The following RGS6 variants were observed in gnomAD, a reference collection of about 807,000 sequenced individuals.
The protein encoded by RGS6 is regulator of G-protein signaling 6.
A neutral mutation model predicts 78.5 loss-of-function variants in RGS6; 30 were observed. That is an observed-to-expected ratio of 0.38 (90% CI 0.29 to 0.52). RGS6 has a LOEUF of 0.52. Among genes scored for constraint, RGS6 ranks in the 20% least tolerant of loss-of-function variants. The pLI is 0.85. For synonymous variants in RGS6, 206 were observed against 206.0 expected, an observed-to-expected ratio of 1.00 and a Z score of 0.00; for missense variants, 495 against 609.7, an observed-to-expected ratio of 0.81 and a Z score of 1.98.
intron 2 of RGS6, among the ~76,000 whole-genome samples, chr14:72,335,334 C>T (rs2075834150): frequency 6.6e-6 from 1 of 152,140 alleles, no homozygotes; most frequent in Non-Finnish European, 1.5e-5. Flanking sequence ...TGCCCCCATC[C>T]CTGTTTGTCC....
intron 2 of RGS6, among the ~76,000 whole-genome samples, chr14:72,127,517 C>T (rs916012522): frequency 9.9e-5 from 15 of 151,982 alleles, no homozygotes; most frequent in Non-Finnish European, 1.5e-4. Context: ...TAAGAGAACA[C>T]GTTACTGATT....
intron 1 of RGS6, among the ~76,000 whole-genome samples, chr14:71,960,363 G>A (rs753947978): frequency 6.6e-6 from 1 of 152,200 alleles, no homozygotes; most frequent in Non-Finnish European, 1.5e-5. Context: ...ATCTTTATGT[G>A]TGATGCTATA....
At chr14:71,897,678 G>A in the RGS6 span, among the ~76,000 whole-genome samples, 3 of 151,682 alleles carry the variant, frequency 2.0e-5, no homozygotes, top group Admixed American at 6.6e-5. Context: ...CCACCACCAC[G>A]CCCAGCTAAT....
At chr14:72,368,475 C>T (rs971497093) in intron 3 of RGS6, among the ~76,000 whole-genome samples, 2 of 152,082 alleles carry the variant, frequency 1.3e-5, no homozygotes, top group Non-Finnish European at 2.9e-5. Context: ...TGTGGTACTT[C>T]CAGATTAGAA....
At chr14:72,559,051 G>T (rs961218175) in intron 17 of RGS6, among the ~76,000 whole-genome samples, 1 of 152,160 alleles carries the variant, frequency 6.6e-6, no homozygotes, top group Non-Finnish European at 1.5e-5. Flanking sequence ...TGCTTCCTCT[G>T]TAACTATGCA....
intron 17 of RGS6, among the ~76,000 whole-genome samples, chr14:72,542,688 T>C (rs112927526): frequency 7.9e-5 from 12 of 152,340 alleles, no homozygotes; most frequent in Non-Finnish European, 1.6e-4. Context: ...ATCCAGGTGA[T>C]TGGATAACTC....
chr14:72,286,694 G>A (rs905778360), intron 2 of RGS6, among the ~76,000 whole-genome samples: 2 of 152,028 alleles, frequency 1.3e-5, no homozygotes, highest in South Asian at 4.2e-4. Context: ...CATTGATGTT[G>A]CCTCAGTTTC....
intron 2 of RGS6, among the ~76,000 whole-genome samples, chr14:72,143,326 T>C (rs908381513): frequency 2.6e-5 from 4 of 152,032 alleles, no homozygotes; most frequent in African/African-American, 9.7e-5. Flanking sequence ...TGAGCCAAGA[T>C]TGCACCACTG....
chr14:72,020,865 G>A (rs2088275239), intron 2 of RGS6, among the ~76,000 whole-genome samples: 1 of 152,202 alleles, frequency 6.6e-6, no homozygotes, highest in Non-Finnish European at 1.5e-5. Flanking sequence ...GACTTCAGCA[G>A]GTGGTGACAT....
At chr14:72,095,706 G>A (rs1015828008) in intron 2 of RGS6, among the ~76,000 whole-genome samples, 3 of 152,230 alleles carry the variant, frequency 2.0e-5, no homozygotes, top group African/African-American at 7.2e-5. Context: ...CCAGTCATCA[G>A]CCTGTTATGT....
intron 2 of RGS6, among the ~76,000 whole-genome samples, chr14:72,196,288 G>A (rs1003143570): frequency 5.9e-5 from 9 of 152,150 alleles, no homozygotes; most frequent in African/African-American, 2.2e-4. Context: ...ATGGAGAGGA[G>A]AGGCTGTCAG....
the RGS6 span, among the ~76,000 whole-genome samples, chr14:72,580,422 G>A: frequency 6.6e-6 from 1 of 151,638 alleles, no homozygotes; most frequent in Non-Finnish European, 1.5e-5. Context: ...CTGTAGCCCT[G>A]AGTGGGAACT....
chr14:72,288,633 T>C (rs2152309953), intron 2 of RGS6, among the ~76,000 whole-genome samples: 1 of 152,246 alleles, frequency 6.6e-6, no homozygotes, highest in Non-Finnish European at 1.5e-5. Flanking sequence ...AAGCCTAGTA[T>C]GGAATGGTGG....
intron 2 of RGS6, chr14:71,990,841 G>GA: frequency 2.2e-6 from 1 of 456,038 alleles, no homozygotes; most frequent in Non-Finnish European, 4.4e-6. Context: ...ATAACAGGTA[G>GA]AACATAGCTT....
intron 2 of RGS6, among the ~76,000 whole-genome samples, chr14:71,980,012 G>A (rs2094361846): frequency 2.2e-5 from 3 of 138,842 alleles, no homozygotes; most frequent in Admixed American, 7.4e-5. Context: ...TTACCATTAT[G>A]TAATGGCCTT....
chr14:72,271,459 G>C (rs2059923845), intron 2 of RGS6, among the ~76,000 whole-genome samples: 1 of 152,172 alleles, frequency 6.6e-6, no homozygotes, highest in African/African-American at 2.4e-5. Context: ...TGGGAATTAT[G>C]GGAGCTACAA....
In RGS6 at chr14:72,506,290, A is replaced by G. The variant is rs2096798286; in HGVS notation, c.966-3864A>G. 2.0e-5 allele frequency among the ~76,000 whole-genome samples: 3 copies of G among 152,232 alleles called. No individual in the cohort carries two copies. In the South Asian group the frequency reaches 6.2e-4, roughly 31 times the overall value. On this transcript the variant is annotated intron_variant, in intron 13 of 17. Transcript: ENST00000553525. ...CTCGAAAATCCAAATGCTGACATAA[A>G]ACTCTACTAGAGAATATGTCCCAAG...
At chr14:71,961,274 A>C (rs941575618) in intron 1 of RGS6, among the ~76,000 whole-genome samples, 1 of 152,158 alleles carries the variant, frequency 6.6e-6, no homozygotes, top group Admixed American at 6.6e-5. Flanking sequence ...CCTTTGAAGG[A>C]AAGTTAGAAA....
rs111806574 is a variant in RGS6, at chr14:71,935,337, G to A, written c.-21+2396G>A. ...AATCTGCTAGGGAGAGGGAGCCACT[G>A]TTAACATATCTTTAACTGTATATTC... On this transcript the variant is annotated intron_variant, in intron 1 of 17. Coordinates refer to ENST00000553525, the MANE Select transcript of RGS6 (RefSeq NM_001204424.2). Among the ~76,000 whole-genome samples, 1,306 of 152,232 alleles carry A rather than the reference G, an allele frequency of 8.6e-3. 15 individuals are homozygous for A. Among genetic ancestry groups the A allele is most frequent in the African/African-American group, 0.03 (1,246 of 41,534 alleles).
Sources: allele counts gnomAD v4.1 joint callset (sites outside exome capture counted in the v4.1 genomes callset), GRCh38; gene constraint gnomAD v4.1.1; transcripts MANE v1.5; gene names NCBI Gene and HGNC (gene_info 2026-07-23, HGNC 2026-07-21).